The following KCNQ1OT1 variants were observed in gnomAD, a reference collection of about 807,000 sequenced individuals.
KCNQ1OT1 encodes the protein KCNQ1 opposite strand/antisense transcript 1.
At position 2,612,033 on chromosome 11, in the gene KCNQ1OT1, T is replaced by C; in HGVS notation, n.87962A>G. 1 of 398,662 alleles carries C rather than the reference T, an allele frequency of 2.5e-6. No individual in the cohort carries two copies. The highest frequency in any genetic ancestry group is 3.6e-5 in the East Asian group (1 of 28,078). The allele number at this position is 398,662 out of a possible 1,614,324, so 24.7% of individuals were successfully genotyped here. A position where few individuals can be genotyped will look rare whatever the true frequency, so the allele number is the denominator to read the frequency against. Reference sequence around the variant, plus strand: ...ACTCCTTAATTCCACATATGTTTTCTACTCTTAATTACATATATGTTACAA... The same window carrying C: ...ACTCCTTAATTCCACATATGTTTTCCACTCTTAATTACATATATGTTACAA... On this transcript the variant is annotated non_coding_transcript_exon_variant, in exon 1 of 1. Coordinates refer to ENST00000597346, the Ensembl canonical transcript of KCNQ1OT1. The surrounding 1 kb of genome is among the most constrained non-coding windows in gnomAD (Gnocchi z 5.5).
In KCNQ1OT1 at chr11:2,691,466, T is replaced by C. The variant is rs1850586667; in HGVS notation, n.8529A>G. 1 of 398,592 alleles carries C rather than the reference T, an allele frequency of 2.5e-6. No individual in the cohort carries two copies. Among genetic ancestry groups the C allele is most frequent in the African/African-American group, 2.1e-5 (1 of 48,736 alleles). 24.7% of individuals were successfully genotyped at this position (398,592 alleles called of 1,614,324 possible). On this transcript the variant is annotated non_coding_transcript_exon_variant, in exon 1 of 1. Coordinates refer to ENST00000597346, the Ensembl canonical transcript of KCNQ1OT1. This position sits in a 1 kb window ranked among gnomAD's most constrained non-coding sequence, Gnocchi z 6.4. ...CACTGAGTCTCTGATGTTGACAGCC[T>C]CTTTGTTTTTTCATCTCAGCCTATT...
chr11:2,640,990 C>T (rs571152766), exon 1 of KCNQ1OT1: 1 of 398,586 alleles, frequency 2.5e-6, no homozygotes, highest in African/African-American at 2.1e-5. Flanking sequence ...CTGCAAAGGA[C>T]ATGATTTCAT....
chr11:2,699,624 G>GCCGAAGAACCCCCGGGGACAACCGCA (rs2133902628), exon 1 of KCNQ1OT1: 1 of 354,828 alleles, frequency 2.8e-6, no homozygotes, highest in Non-Finnish European at 5.0e-6. Flanking sequence ...AGAGAACCGC[G>GCCGAAGAACCCCCGGGGACAACCGCA]CCGAAGAACC....
At chr11:2,628,990 T>C (rs571892728) in exon 1 of KCNQ1OT1, 2 of 398,356 alleles carry the variant, frequency 5.0e-6, no homozygotes, top group South Asian at 2.5e-4. Flanking sequence ...ACCAGTACCA[T>C]AACTTTGAAA....
chr11:2,646,277 C>T (rs1849664090), exon 1 of KCNQ1OT1: 1 of 398,600 alleles, frequency 2.5e-6, no homozygotes, highest in Non-Finnish European at 4.4e-6. Context: ...GATTTCATAG[C>T]ATCTGTATAT....
chr11:2,650,235 C>T (rs1468581872), exon 1 of KCNQ1OT1: 8 of 398,296 alleles, frequency 2.0e-5, no homozygotes, highest in Non-Finnish European at 1.8e-5. Context: ...TCTTGTATCT[C>T]ATTGGGTTTC....
In KCNQ1OT1 at chr11:2,678,051, T is replaced by C. The variant is rs894591121; in HGVS notation, n.21944A>G. Reference sequence around the variant, plus strand: ...TTCTTTCTTGTGAACTATTTCTTCATACCCTTTGGACTTTGTAAAATACCT... The same window carrying C: ...TTCTTTCTTGTGAACTATTTCTTCACACCCTTTGGACTTTGTAAAATACCT... On this transcript the variant is annotated non_coding_transcript_exon_variant, in exon 1 of 1. Transcript: ENST00000597346. This position sits in a 1 kb window ranked among gnomAD's most constrained non-coding sequence, Gnocchi z 4.9. 6 of 398,338 alleles carry C rather than the reference T, an allele frequency of 1.5e-5. No individual in the cohort carries two copies. Among genetic ancestry groups the C allele is most frequent in the African/African-American group, 8.2e-5 (4 of 48,636 alleles). 24.7% of individuals were successfully genotyped at this position (398,338 alleles called of 1,614,324 possible). A position where few individuals can be genotyped will look rare whatever the true frequency, so the allele number is the denominator to read the frequency against.
At chr11:2,649,229 G>T (rs187098462) in exon 1 of KCNQ1OT1, 2 of 397,964 alleles carry the variant, frequency 5.0e-6, no homozygotes, top group Non-Finnish European at 4.4e-6. Context: ...TTATCAATAG[G>T]TGAGGACTTA....
rs1850593571 is a variant in KCNQ1OT1, at chr11:2,691,827, TC to T, written n.8167del. 2.5e-6 allele frequency: 1 copy of T among 398,582 alleles called. No homozygotes were observed. The highest frequency in any genetic ancestry group is 4.4e-5 in the Admixed American group (1 of 22,722). The allele number at this position is 398,582 out of a possible 1,614,324, so 24.7% of individuals were successfully genotyped here. A position where few individuals can be genotyped will look rare whatever the true frequency, so the allele number is the denominator to read the frequency against. ...CACAAGCACTGGATCCAATGTGACC[TC>T]TGCCAGGACCATGACCCCTAGGTCC... On this transcript the variant is annotated non_coding_transcript_exon_variant, in exon 1 of 1. Transcript: ENST00000597346. This position sits in a 1 kb window ranked among gnomAD's most constrained non-coding sequence, Gnocchi z 6.4.
At chr11:2,644,819 C>T (rs1034199758) in exon 1 of KCNQ1OT1, 2 of 398,534 alleles carry the variant, frequency 5.0e-6, no homozygotes, top group African/African-American at 2.1e-5. Context: ...CTGTAAACAG[C>T]ACCAGTAGTG....
At chr11:2,681,436 G>A (rs1368628791) in exon 1 of KCNQ1OT1, 2 of 398,418 alleles carry the variant, frequency 5.0e-6, no homozygotes, top group Non-Finnish European at 8.8e-6. Flanking sequence ...AGCTCTAGGG[G>A]ATTTTGGGAC....
exon 1 of KCNQ1OT1, chr11:2,696,597 CCTCCAA>C (rs1850680569): frequency 2.5e-6 from 1 of 398,498 alleles, no homozygotes; most frequent in Non-Finnish European, 4.4e-6. Context: ...TTACTCAAGC[CCTCCAA>C]CTGGAAGTTT....
At chr11:2,693,279 C>G (rs1475500875) in exon 1 of KCNQ1OT1, 1 of 398,644 alleles carries the variant, frequency 2.5e-6, no homozygotes, top group African/African-American at 2.1e-5. Flanking sequence ...CTCAGATGCA[C>G]ACCCTCCACA....
chr11:2,647,135 T>C lies in KCNQ1OT1; in HGVS notation n.52860A>G. ...TTTGTCATATATGACCTTCATTGAGTTATGTTCCTTCTAGACATTATGTGA... is the reference window on the plus strand; with the variant it reads ...TTTGTCATATATGACCTTCATTGAGCTATGTTCCTTCTAGACATTATGTGA... On this transcript the variant is annotated non_coding_transcript_exon_variant, in exon 1 of 1. Transcript: ENST00000597346. The surrounding 1 kb of genome is among the most constrained non-coding windows in gnomAD (Gnocchi z 4.0). 2.5e-6 allele frequency: 1 copy of C among 398,564 alleles called. No individual in the cohort carries two copies. Among genetic ancestry groups the C allele is most frequent in the East Asian group, 3.6e-5 (1 of 28,042 alleles). 24.7% of individuals were successfully genotyped at this position (398,564 alleles called of 1,614,324 possible).
rs1850163030 is a variant in KCNQ1OT1, at chr11:2,670,467, G to A, written n.29528C>T. 2.5e-6 allele frequency: 1 copy of A among 397,462 alleles called. No homozygotes were observed. The highest frequency in any genetic ancestry group is 3.6e-5 in the East Asian group (1 of 28,058). 24.6% of individuals were successfully genotyped at this position (397,462 alleles called of 1,614,324 possible). On this transcript the variant is annotated non_coding_transcript_exon_variant, in exon 1 of 1. Coordinates refer to ENST00000597346, the Ensembl canonical transcript of KCNQ1OT1. This position sits in a 1 kb window ranked among gnomAD's most constrained non-coding sequence, Gnocchi z 4.9. ...GCTGAGACACACAGCCCACATCCTTGGTAGGTCCCTCAGAGAGCATCTAGT... is the reference window on the plus strand; with the variant it reads ...GCTGAGACACACAGCCCACATCCTTAGTAGGTCCCTCAGAGAGCATCTAGT...
chr11:2,662,024 C>T lies in KCNQ1OT1; in HGVS notation n.37971G>A. 7 of 1,614,228 alleles carry T rather than the reference C, an allele frequency of 4.3e-6. No homozygotes were observed. The highest frequency in any genetic ancestry group is 5.9e-6 in the Non-Finnish European group (7 of 1,180,034). On this transcript the variant is annotated non_coding_transcript_exon_variant, in exon 1 of 1. Coordinates refer to ENST00000597346, the Ensembl canonical transcript of KCNQ1OT1. ...CATTTCATGAGAACCAACAGCTTCG[C>T]CGAGGACCTGGACCTGGAAGGGGAG...
rs540067358 is a variant in KCNQ1OT1, at chr11:2,658,038, G to A, written n.41957C>T. ...TTTCCATAGCTTAGTCTTTAGAAGCGAGTCACTAAGTATAGCCCACACTCA... is the reference window on the plus strand; with the variant it reads ...TTTCCATAGCTTAGTCTTTAGAAGCAAGTCACTAAGTATAGCCCACACTCA... On this transcript the variant is annotated non_coding_transcript_exon_variant, in exon 1 of 1. Coordinates refer to ENST00000597346, the Ensembl canonical transcript of KCNQ1OT1. The surrounding 1 kb of genome is among the most constrained non-coding windows in gnomAD (Gnocchi z 4.9). 3.0e-5 allele frequency: 12 copies of A among 398,352 alleles called. No individual in the cohort carries two copies. The highest frequency in any genetic ancestry group is 4.1e-5 in the African/African-American group (2 of 48,568). The allele number at this position is 398,352 out of a possible 1,614,324, so 24.7% of individuals were successfully genotyped here.
In KCNQ1OT1 at chr11:2,623,999, T is replaced by C. The variant is rs1849220406; in HGVS notation, n.75996A>G. ...ACTTTACATTCCCATTAATGGTATA[T>C]GTCAAAGTGGCTGTACCATTTTGCA... On this transcript the variant is annotated non_coding_transcript_exon_variant, in exon 1 of 1. Coordinates refer to ENST00000597346, the Ensembl canonical transcript of KCNQ1OT1. The surrounding 1 kb of genome is among the most constrained non-coding windows in gnomAD (Gnocchi z 5.2). The C allele has an allele frequency of 2.5e-6, 1 of 398,974 alleles. No individual in the cohort carries two copies. Among genetic ancestry groups the C allele is most frequent in the Non-Finnish European group, 4.4e-6 (1 of 226,420 alleles). The allele number at this position is 398,974 out of a possible 1,614,324, so 24.7% of individuals were successfully genotyped here.
rs1849754938 is a variant in KCNQ1OT1 at position 2,651,401 on chromosome 11, C to T, written n.48594G>A. 2.5e-6 allele frequency: 1 copy of T among 398,710 alleles called. No homozygotes were observed. The highest frequency in any genetic ancestry group is 4.4e-6 in the Non-Finnish European group (1 of 226,150). 24.7% of individuals were successfully genotyped at this position (398,710 alleles called of 1,614,324 possible). A position where few individuals can be genotyped will look rare whatever the true frequency, so the allele number is the denominator to read the frequency against. ...GCTGCCCCGGTGGTGGCTCACTTTC[C>T]ATTCCTTTTGGCCTGCCCTGTGTGC... is the stretch of plus-strand genomic sequence containing the variant. On this transcript the variant is annotated non_coding_transcript_exon_variant, in exon 1 of 1. Transcript: ENST00000597346. The surrounding 1 kb of genome is among the most constrained non-coding windows in gnomAD (Gnocchi z 6.1).
Sources: allele counts gnomAD v4.1 joint callset, GRCh38; gene constraint gnomAD v4.1.1; non-coding constraint Gnocchi (gnomAD v3.1); transcripts MANE v1.5; gene names NCBI Gene and HGNC (gene_info 2026-07-23, HGNC 2026-07-21).